SNX4: variants seen among roughly 807,000 people sequenced by gnomAD.
The protein encoded by SNX4 is sorting nexin 4.
SNX4 carries 49 observed loss-of-function variants against 70.8 expected under a neutral mutation model. That is an observed-to-expected ratio of 0.69 (90% CI 0.55 to 0.88). SNX4 has a LOEUF of 0.88. SNX4 is among the 40% of genes least tolerant of loss of function. The probability of loss-of-function intolerance (pLI) is 0.00; values close to 1 mark genes in which losing one functional copy is unlikely to be tolerated. For missense variants in SNX4, 528 were observed against 544.8 expected (o/e 0.97, Z 0.31); for synonymous variants, 206 against 183.8 (o/e 1.12, Z -0.98).
intron 8 of SNX4, among the ~76,000 whole-genome samples, chr3:125,471,212 C>T (rs527868615): frequency 6.6e-6 from 1 of 151,810 alleles, no homozygotes; most frequent in African/African-American, 2.4e-5. Flanking sequence ...GGCATGGTGG[C>T]ACATGCCTGT....
At chr3:125,475,885 G>A (rs1219742827) in intron 8 of SNX4, among the ~76,000 whole-genome samples, 1 of 152,062 alleles carries the variant, frequency 6.6e-6, no homozygotes, top group Non-Finnish European at 1.5e-5. Flanking sequence ...GGCTGAAGCA[G>A]GAGGATCACT....
Position 125,460,765 on chromosome 3 carries a change from A to G in SNX4, c.944+6T>C, listed in dbSNP as rs1231518661. On this transcript the variant is annotated splice_donor_region_variant and intron_variant, in intron 10 of 13. Coordinates refer to ENST00000251775, the MANE Select transcript of SNX4 (RefSeq NM_003794.4). ...TGGCTGCACCTGGAACTTTTATTAA[A>G]CTTACCGCAATGCTTCTGCATAAAA... is the stretch of plus-strand genomic sequence containing the variant. 2 of 1,475,386 alleles carry G rather than the reference A, an allele frequency of 1.4e-6. No homozygotes were observed. Among genetic ancestry groups the G allele is most frequent in the Non-Finnish European group, 1.8e-6 (2 of 1,085,158 alleles). The allele number at this position is 1,475,386 out of a possible 1,614,324, so 91.4% of individuals were successfully genotyped here.
At chr3:125,511,249 A>G (rs1935168940) in intron 1 of SNX4, among the ~76,000 whole-genome samples, 1 of 152,246 alleles carries the variant, frequency 6.6e-6, no homozygotes, top group Non-Finnish European at 1.5e-5. Context: ...TAAACACATT[A>G]TAAAAATATG....
chr3:125,490,993 G>C (rs974723122), intron 5 of SNX4, among the ~76,000 whole-genome samples: 10 of 152,038 alleles, frequency 6.6e-5, no homozygotes, highest in Non-Finnish European at 1.3e-4. Flanking sequence ...ATATTACTAA[G>C]GCTTCCCAGG....
intron 5 of SNX4, among the ~76,000 whole-genome samples, chr3:125,495,250 T>TTTTATATATATATA (rs869243473): frequency 5.2e-5 from 2 of 38,166 alleles, no homozygotes; most frequent in Non-Finnish European, 1.2e-4. Context: ...CATTCTCTCT[T>TTTTATATATATATA]TATATATATA....
chr3:125,490,909 T>C (rs1934645305), intron 5 of SNX4, among the ~76,000 whole-genome samples: 1 of 152,098 alleles, frequency 6.6e-6, no homozygotes, highest in Non-Finnish European at 1.5e-5. Context: ...AATCCCACCT[T>C]GAAAATTTTA....
At chr3:125,510,139 CAA>C (rs1409227917) in intron 1 of SNX4, among the ~76,000 whole-genome samples, 2 of 152,056 alleles carry the variant, frequency 1.3e-5, no homozygotes, top group Admixed American at 1.3e-4. Flanking sequence ...AGCAGGGTCT[CAA>C]AGAGATATTT....
intron 9 of SNX4, among the ~76,000 whole-genome samples, chr3:125,461,932 C>T (rs778288818): frequency 9.2e-5 from 14 of 152,118 alleles, no homozygotes; most frequent in East Asian, 5.8e-4. Flanking sequence ...GGATTACAGG[C>T]GTGAGCCACA....
chr3:125,496,617 A>G (rs1476871231), intron 5 of SNX4, among the ~76,000 whole-genome samples: 1 of 152,118 alleles, frequency 6.6e-6, no homozygotes, highest in African/African-American at 2.4e-5. Context: ...AAAACTTTAA[A>G]AAGTTTGTAA....
In SNX4 at chr3:125,495,277, T is replaced by TATATATAC; in HGVS notation, c.597+2063_597+2064insGTATATAT. Among the ~76,000 whole-genome samples, 11 of 99,610 alleles carry TATATATAC rather than the reference T, an allele frequency of 1.1e-4. 1 individual carries two copies. Among genetic ancestry groups the TATATATAC allele is most frequent in the South Asian group, 3.5e-4 (1 of 2,832 alleles). The allele number at this position is 99,610 out of a possible 152,430, so 65.3% of individuals were successfully genotyped here. ...ATATATATATATATATATATATATA[T>TATATATAC]ACACATACACACACACACACGTATG... On this transcript the variant is annotated intron_variant, in intron 5 of 13. Coordinates refer to ENST00000251775, the MANE Select transcript of SNX4 (RefSeq NM_003794.4).
At chr3:125,493,510 C>T (rs147841850) in intron 5 of SNX4, among the ~76,000 whole-genome samples, 5 of 150,012 alleles carry the variant, frequency 3.3e-5, no homozygotes, top group Non-Finnish European at 7.4e-5. Flanking sequence ...AAAAATTACC[C>T]GGGCATGGTG....
At chr3:125,492,107 CAAAAAAAAAAAAA>C (rs60558490) in intron 5 of SNX4, among the ~76,000 whole-genome samples, 837 of 47,466 alleles carry the variant, frequency 0.018, 11 homozygotes, top group Middle Eastern at 0.087. Flanking sequence ...GACTCCATCT[CAAAAAAAAAAAAA>C]AAAAAAAAAA....
At chr3:125,491,890 C>T (rs1314385578) in intron 5 of SNX4, among the ~76,000 whole-genome samples, 1 of 151,936 alleles carries the variant, frequency 6.6e-6, no homozygotes, top group African/African-American at 2.4e-5. Flanking sequence ...GGGTGGATCA[C>T]GAGGTCAGGA....
At chr3:125,447,936 C>T (rs956995568) in intron 13 of SNX4, 110 bp from the exon 14 acceptor site, 3 of 618,528 alleles carry the variant, frequency 4.9e-6, no homozygotes, top group African/African-American at 1.9e-5. Context: ...ATTAAGAAGT[C>T]GAGAAAATAT....
At chr3:125,460,924 G>A (rs1933868788) in intron 9 of SNX4, 64 bp from the exon 10 acceptor site, 2 of 840,408 alleles carry the variant, frequency 2.4e-6, no homozygotes, top group South Asian at 2.0e-5. Context: ...AAGTATTAGG[G>A]TTCTAGAGAA....
Position 125,488,172 on chromosome 3 carries a change from TAA to T in SNX4, c.653+1234_653+1235del, listed in dbSNP as rs35693375. Among the ~76,000 whole-genome samples, 318 of 93,510 alleles carry T rather than the reference TAA, an allele frequency of 3.4e-3. 2 individuals are homozygous for T. Among genetic ancestry groups the T allele is most frequent in the Middle Eastern group, 0.012 (2 of 168 alleles). The allele number at this position is 93,510 out of a possible 152,430, so 61.3% of individuals were successfully genotyped here. A position where few individuals can be genotyped will look rare whatever the true frequency, so the allele number is the denominator to read the frequency against. On this transcript the variant is annotated intron_variant, in intron 6 of 13. Coordinates refer to ENST00000251775, the MANE Select transcript of SNX4 (RefSeq NM_003794.4). ...TGCTGTAAAAAAAAAAATAGTCTAT[TAA>T]AAAAAAAAAAAAAAAAAAAGGCCAG...
chr3:125,497,787 C>G, intron 4 of SNX4, 47 bp downstream of exon 4: 2 of 1,348,334 alleles, frequency 1.5e-6, no homozygotes, highest in Non-Finnish European at 2.0e-6. Flanking sequence ...TTTTAAGAAA[C>G]CCAAATTAAA....
At chr3:125,482,695 TA>T (rs1229347166) in intron 6 of SNX4, among the ~76,000 whole-genome samples, 2 of 152,116 alleles carry the variant, frequency 1.3e-5, no homozygotes, top group African/African-American at 2.4e-5. Context: ...TAATGTGGCT[TA>T]AAAAACTTTT....
intron 1 of SNX4, among the ~76,000 whole-genome samples, chr3:125,505,349 G>A (rs1935024046): frequency 6.6e-6 from 1 of 152,204 alleles, no homozygotes; most frequent in African/African-American, 2.4e-5. Flanking sequence ...TAGTGGAGTA[G>A]GAAGCACCAG....
Sources: allele counts gnomAD v4.1 joint callset (sites outside exome capture counted in the v4.1 genomes callset), GRCh38; gene constraint gnomAD v4.1.1; transcripts MANE v1.5; gene names NCBI Gene and HGNC (gene_info 2026-07-23, HGNC 2026-07-21).